PBX3: variants seen among roughly 807,000 people sequenced by gnomAD.
The protein encoded by PBX3 is PBX homeobox 3, also known as pre-B-cell leukemia transcription factor 3.
PBX3 carries 14 observed loss-of-function variants against 48.5 expected under a neutral mutation model. That is an observed-to-expected ratio of 0.29 (90% confidence interval 0.19 to 0.45). PBX3 has a LOEUF of 0.45. Ranked by LOEUF, PBX3 falls within the 20% of genes least tolerant of loss-of-function variation. The probability of loss-of-function intolerance (pLI) is 1.00; values close to 1 mark genes in which losing one functional copy is unlikely to be tolerated. For synonymous variants in PBX3, 210 were observed against 200.3 expected, an observed-to-expected ratio of 1.05 and a Z score of -0.41; for missense variants, 386 against 546.7, an observed-to-expected ratio of 0.71 and a Z score of 2.93.
Position 125,896,463 on chromosome 9 carries a change from T to C in PBX3, c.275-19223T>C, listed in dbSNP as rs12336841. Among the ~76,000 whole-genome samples, 1,214 of 152,182 alleles carry C rather than the reference T, an allele frequency of 8.0e-3. 12 individuals carry two copies. The highest frequency in any genetic ancestry group is 0.028 in the African/African-American group (1,151 of 41,564). Reference sequence around the variant, plus strand: ...CTACATAAAGTATATTTATTGCCTTTTTAAAAATGCCCATTTTCTTTCCCG... The same window carrying C: ...CTACATAAAGTATATTTATTGCCTTCTTAAAAATGCCCATTTTCTTTCCCG... On this transcript the variant is annotated intron_variant, in intron 2 of 8. Transcript: ENST00000373489.
chr9:125,914,788 T>C lies in PBX3; in HGVS notation c.275-898T>C. 1.3e-5 allele frequency among the ~76,000 whole-genome samples: 2 copies of C among 152,236 alleles called. 1 individual carries two copies. The highest frequency in any genetic ancestry group is 3.8e-4 in the East Asian group (2 of 5,200). On this transcript the variant is annotated intron_variant, in intron 2 of 8. Transcript: ENST00000373489. ...TGAAAATGCTGATTTTGAGCTGTCA[T>C]GACTCCAATGCTTTTTATACCATGA... is the stretch of plus-strand genomic sequence containing the variant.
intron 3 of PBX3, among the ~76,000 whole-genome samples, chr9:125,917,587 T>C (rs1841362366): frequency 6.6e-6 from 1 of 150,676 alleles, no homozygotes; most frequent in African/African-American, 2.5e-5. Context: ...CTGATCAGTT[T>C]TAATACTGAT....
At chr9:125,775,127 A>C (rs2132012674) in intron 2 of PBX3, among the ~76,000 whole-genome samples, 1 of 152,304 alleles carries the variant, frequency 6.6e-6, no homozygotes, top group East Asian at 1.9e-4. Context: ...TCAGCCTCCC[A>C]AAGTGGTGGG....
chr9:125,797,465 G>C (rs1178560311), intron 2 of PBX3: 1 of 151,868 alleles, frequency 6.6e-6, no homozygotes. Flanking sequence ...CTCTACTCAA[G>C]GTGAGTTATT....
At chr9:125,798,490 C>G (rs555360944) in intron 2 of PBX3, among the ~76,000 whole-genome samples, 92 of 129,232 alleles carry the variant, frequency 7.1e-4, no homozygotes, top group African/African-American at 2.8e-3. Context: ...ATCCCCACCT[C>G]CCATTTCTTA....
intron 5 of PBX3, among the ~76,000 whole-genome samples, chr9:125,943,352 C>CAA (rs60326557): frequency 1.5e-4 from 9 of 60,880 alleles, no homozygotes; most frequent in Non-Finnish European, 2.2e-4. Context: ...GAGACTGTCT[C>CAA]AAAAAAAAAA....
At chr9:125,818,026 T>A (rs1838518601) in intron 2 of PBX3, among the ~76,000 whole-genome samples, 1 of 151,886 alleles carries the variant, frequency 6.6e-6, no homozygotes, top group African/African-American at 2.4e-5. Flanking sequence ...CATGGTGACA[T>A]CCTGTCTCTA....
intron 3 of PBX3, among the ~76,000 whole-genome samples, chr9:125,922,968 A>G (rs1245858391): frequency 2.0e-5 from 3 of 152,262 alleles, no homozygotes; most frequent in African/African-American, 7.2e-5. Flanking sequence ...AGTGCACACT[A>G]CATAAATGAG....
At position 125,929,687 on chromosome 9, in the gene PBX3, C is replaced by T; in HGVS notation, c.549C>T (p.Asn183=). ...ATGAATTTACTACACATGTGATGAA[C>T]CTTCTCCGAGAACAGAGTAGAACAC... ...ACNEFTTHVM[N]LLREQSRTRP... Residue 183 remains asparagine, a synonymous_variant, in exon 4 of 9, where the codon AAC becomes AAT. Coordinates refer to ENST00000373489, the MANE Select transcript of PBX3 (RefSeq NM_006195.6). The T allele has an allele frequency of 6.2e-7, 1 of 1,612,024 alleles. No individual in the cohort carries two copies. The highest frequency in any genetic ancestry group is 8.5e-7 in the Non-Finnish European group (1 of 1,179,310).
intron 2 of PBX3, among the ~76,000 whole-genome samples, chr9:125,889,986 G>A (rs1199786594): frequency 6.6e-6 from 1 of 151,874 alleles, no homozygotes; most frequent in Non-Finnish European, 1.5e-5. Flanking sequence ...ACCTTAGCCG[G>A]CTGCGGCCGA....
rs1285092244 is a variant in PBX3 at position 125,929,934 on chromosome 9, A to C, written c.707+89A>C. On this transcript the variant is annotated intron_variant, in intron 4 of 8. Transcript: ENST00000373489. The stretch of plus-strand genomic sequence containing the variant: ...TCTGTAAAACTGACCAGTTGGTCTT[A>C]GATTCTTTTGGCCATATGAGTCTTT... 4 of 1,003,362 alleles carry C rather than the reference A, an allele frequency of 4.0e-6. No homozygotes were observed. The African/African-American group carries it at 6.4e-5, about 16-fold the overall frequency. The allele number at this position is 1,003,362 out of a possible 1,614,324, so 62.2% of individuals were successfully genotyped here.
intron 2 of PBX3, among the ~76,000 whole-genome samples, chr9:125,803,269 G>A (rs184468419): frequency 1.8e-4 from 27 of 151,334 alleles, no homozygotes; most frequent in Non-Finnish European, 3.7e-4. Context: ...TGTATTTTTA[G>A]TAGAGACGGG....
At chr9:125,848,771 C>G (rs1168302921) in intron 2 of PBX3, among the ~76,000 whole-genome samples, 1 of 151,928 alleles carries the variant, frequency 6.6e-6, no homozygotes, top group Non-Finnish European at 1.5e-5. Context: ...AAATACCTGC[C>G]CTTATGGAAC....
chr9:125,879,663 T>G (rs1222817423), intron 2 of PBX3, among the ~76,000 whole-genome samples: 1 of 152,128 alleles, frequency 6.6e-6, no homozygotes, highest in Non-Finnish European at 1.5e-5. Flanking sequence ...AAAAGGACAT[T>G]AAGAAAGGGA....
chr9:125,772,234 T>C (rs1464395893), intron 2 of PBX3, among the ~76,000 whole-genome samples: 1 of 150,754 alleles, frequency 6.6e-6, no homozygotes, highest in Non-Finnish European at 1.5e-5. Flanking sequence ...AACCTTGTTA[T>C]ACAAAACAAA....
intron 2 of PBX3, among the ~76,000 whole-genome samples, chr9:125,778,618 TTCATATTTTCTA>T (rs1837146804): frequency 6.6e-6 from 1 of 150,882 alleles, no homozygotes. Flanking sequence ...TTTTTTTTTT[TTCATATTTTCTA>T]TTTCTTTAAT....
intron 3 of PBX3, among the ~76,000 whole-genome samples, chr9:125,928,305 G>A (rs1427064290): frequency 6.6e-6 from 1 of 152,052 alleles, no homozygotes; most frequent in Non-Finnish European, 1.5e-5. Context: ...CTTGAGCCCA[G>A]GGGCTTGAGG....
At chr9:125,865,516 G>A (rs1235373504) in intron 2 of PBX3, among the ~76,000 whole-genome samples, 1 of 152,106 alleles carries the variant, frequency 6.6e-6, no homozygotes, top group Non-Finnish European at 1.5e-5. Context: ...TGTTTAGTAT[G>A]ATTTATAAAA....
chr9:125,892,164 T>C (rs1395490374), intron 2 of PBX3, among the ~76,000 whole-genome samples: 1 of 152,068 alleles, frequency 6.6e-6, no homozygotes, highest in Non-Finnish European at 1.5e-5. Context: ...TTCAAGTGAT[T>C]TGCCCACCAA....
Sources: allele counts gnomAD v4.1 joint callset (sites outside exome capture counted in the v4.1 genomes callset), GRCh38; gene constraint gnomAD v4.1.1; transcripts MANE v1.5; gene names NCBI Gene and HGNC (gene_info 2026-07-23, HGNC 2026-07-21).